The following CDK14 variants were observed in gnomAD, a reference collection of about 807,000 sequenced individuals.
CDK14 encodes cyclin dependent kinase 14.
Under a neutral mutation model 60.7 loss-of-function variants are expected in CDK14, and 34 were observed. The ratio of observed to expected loss-of-function variants is 0.56; its 90% CI spans 0.43 to 0.75. CDK14 has a LOEUF of 0.75. CDK14 is among the 30% of genes least tolerant of loss of function. The probability of loss-of-function intolerance (pLI) is 0.00; values close to 1 mark genes in which losing one functional copy is unlikely to be tolerated. For synonymous variants in CDK14, 197 were observed against 203.7 expected (o/e 0.97, Z 0.28); for missense variants, 482 against 564.1 (o/e 0.85, Z 1.47).
intron 14 of CDK14, among the ~76,000 whole-genome samples, chr7:91,200,981 C>T (rs1056383109): frequency 5.3e-5 from 8 of 152,160 alleles, no homozygotes; most frequent in Admixed American, 2.0e-4. Flanking sequence ...TATACATCCA[C>T]TAAATTTGGC....
At chr7:90,734,269 C>G (rs868666079) in intron 3 of CDK14, among the ~76,000 whole-genome samples, 10 of 152,026 alleles carry the variant, frequency 6.6e-5, no homozygotes, top group Admixed American at 2.6e-4. Context: ...GCCTTGGTGA[C>G]TCTGAGGATT....
intron 2 of CDK14, among the ~76,000 whole-genome samples, chr7:90,659,875 C>CTCTCTCTGTG (rs1235758434): frequency 7.8e-6 from 1 of 128,974 alleles, no homozygotes; most frequent in African/African-American, 3.1e-5. Flanking sequence ...CTCTCTCTCT[C>CTCTCTCTGTG]TGTGTGTGTG....
intron 2 of CDK14, among the ~76,000 whole-genome samples, chr7:90,635,255 T>G (rs1800112346): frequency 6.6e-6 from 1 of 152,392 alleles, no homozygotes; most frequent in African/African-American, 2.4e-5. Context: ...TCTAGGGTTT[T>G]TATGGTTTGA....
At chr7:90,658,380 G>A (rs893042325) in intron 2 of CDK14, among the ~76,000 whole-genome samples, 1 of 152,156 alleles carries the variant, frequency 6.6e-6, no homozygotes, top group African/African-American at 2.4e-5. Context: ...GATGGTAGAA[G>A]GGATACTCTG....
chr7:90,830,449 C>T (rs1789878103), intron 5 of CDK14, among the ~76,000 whole-genome samples: 1 of 152,162 alleles, frequency 6.6e-6, no homozygotes, highest in Admixed American at 6.5e-5. Context: ...TGGGCCTGGC[C>T]CATGAAGTCA....
intron 12 of CDK14, among the ~76,000 whole-genome samples, chr7:91,083,992 A>G (rs1245335601): frequency 6.6e-6 from 1 of 152,182 alleles, no homozygotes; most frequent in Admixed American, 6.5e-5. Flanking sequence ...TGGAACTAAC[A>G]GTTAGCCTTT....
At chr7:91,062,365 C>G (rs961769205) in intron 11 of CDK14, among the ~76,000 whole-genome samples, 1 of 152,192 alleles carries the variant, frequency 6.6e-6, no homozygotes, top group Non-Finnish European at 1.5e-5. Context: ...GGTGATGCCT[C>G]TACCTGCTTC....
chr7:90,842,258 T>G (rs1790321052), intron 5 of CDK14, among the ~76,000 whole-genome samples: 1 of 152,168 alleles, frequency 6.6e-6, no homozygotes, highest in Non-Finnish European at 1.5e-5. Flanking sequence ...GGCAGTAACA[T>G]TAGGCATCTA....
chr7:90,984,305 TCTAC>T, intron 10 of CDK14, 64 bp downstream of exon 10: 2 of 958,610 alleles, frequency 2.1e-6, no homozygotes, highest in Non-Finnish European at 3.4e-6. Context: ...AGTGACAAAT[TCTAC>T]AGCAGTCTGT....
At position 90,665,315 on chromosome 7, in the gene CDK14, A is replaced by T. The variant is rs181170903; in HGVS notation, c.123+61066A>T. Among the ~76,000 whole-genome samples the T allele has an allele frequency of 3.6e-3, 555 of 152,246 alleles. 1 individual carries two copies. Among genetic ancestry groups the T allele is most frequent in the Non-Finnish European group, 5.5e-3 (372 of 68,022 alleles). Reference sequence around the variant, plus strand: ...AAATAAATAAATAAATAATAAAAACATAAAAAATAAAAAGCACTCATTCAT... The same window carrying T: ...AAATAAATAAATAAATAATAAAAACTTAAAAAATAAAAAGCACTCATTCAT... On this transcript the variant is annotated intron_variant, in intron 2 of 14. Transcript: ENST00000380050.
chr7:90,922,969 A>T (rs1431818488), intron 8 of CDK14, among the ~76,000 whole-genome samples: 1 of 152,120 alleles, frequency 6.6e-6, no homozygotes, highest in Non-Finnish European at 1.5e-5. Flanking sequence ...CCAGGGTTAT[A>T]CATGTGTTAA....
chr7:90,889,621 A>T (rs192428491), intron 6 of CDK14, among the ~76,000 whole-genome samples: 1 of 152,346 alleles, frequency 6.6e-6, no homozygotes, highest in Non-Finnish European at 1.5e-5. Context: ...TTGCTATGAG[A>T]GGATTTTTAT....
In CDK14 at chr7:90,776,448, T is replaced by A. The variant is rs571932310; in HGVS notation, c.465-14125T>A. Among the ~76,000 whole-genome samples the A allele has an allele frequency of 2.0e-5, 3 of 152,306 alleles. No individual in the cohort carries two copies. The East Asian group carries it at 5.8e-4, about 29-fold the overall frequency. ...TATTAAAATGGATGATTAAAGTCTC[T>A]CAAAACCGAACAATCAAACATCAAA... On this transcript the variant is annotated intron_variant, in intron 4 of 14. Coordinates refer to ENST00000380050, the MANE Select transcript of CDK14 (RefSeq NM_001287135.2).
chr7:91,008,146 C>CAAAAAAAAAAAAAAAAAAAAAAAAAAAA (rs1394465227), intron 10 of CDK14, among the ~76,000 whole-genome samples: 1 of 84,122 alleles, frequency 1.2e-5, no homozygotes, highest in Admixed American at 1.2e-4. Flanking sequence ...AAAAAAAAAA[C>CAAAAAAAAAAAAAAAAAAAAAAAAAAAA]AAACAAAAAA....
At chr7:90,637,414 G>C (rs954045597) in intron 2 of CDK14, among the ~76,000 whole-genome samples, 43 of 152,096 alleles carry the variant, frequency 2.8e-4, no homozygotes, top group African/African-American at 9.9e-4. Flanking sequence ...TTCAGGAGCA[G>C]GTTGTTCAGT....
At chr7:90,705,580 A>G (rs751136888) in intron 2 of CDK14, among the ~76,000 whole-genome samples, 7 of 150,940 alleles carry the variant, frequency 4.6e-5, no homozygotes, top group Non-Finnish European at 1.0e-4. Flanking sequence ...CTCAGGAGAA[A>G]GTTCATGGTT....
intron 11 of CDK14, among the ~76,000 whole-genome samples, chr7:91,052,309 ACTTCCT>A (rs1797415701): frequency 6.6e-6 from 1 of 152,230 alleles, no homozygotes; most frequent in African/African-American, 2.4e-5. Flanking sequence ...CCTGGGTCTC[ACTTCCT>A]GAGTGTGTTT....
chr7:91,094,318 G>C (rs1324049919), intron 12 of CDK14, among the ~76,000 whole-genome samples: 1 of 152,000 alleles, frequency 6.6e-6, no homozygotes, highest in African/African-American at 2.4e-5. Flanking sequence ...AATATTTTCA[G>C]GGATGTACTC....
intron 4 of CDK14, among the ~76,000 whole-genome samples, chr7:90,776,535 C>T (rs377240492): frequency 2.5e-4 from 38 of 152,208 alleles, no homozygotes; most frequent in East Asian, 1.4e-3. Context: ...AGTGTGAGCT[C>T]GGCTTTAAAG....
Sources: allele counts gnomAD v4.1 joint callset (sites outside exome capture counted in the v4.1 genomes callset), GRCh38; gene constraint gnomAD v4.1.1; transcripts MANE v1.5; gene names NCBI Gene and HGNC (gene_info 2026-07-23, HGNC 2026-07-21).